The following NRK variants were observed in gnomAD, a reference collection of about 807,000 sequenced individuals.
The protein encoded by NRK is nik-related protein kinase.
In NRK, 67 loss-of-function variants were observed where a neutral mutation model predicts 125.2. The observed-to-expected ratio is 0.54, with a 90% CI of 0.44 to 0.66. NRK has a LOEUF of 0.66. Ranked by LOEUF, NRK falls within the 30% of genes least tolerant of loss-of-function variation. The pLI, the probability that NRK is intolerant of heterozygous loss-of-function variation, is 0.00. For synonymous variants in NRK, 458 were observed against 429.0 expected, an observed-to-expected ratio of 1.07 and a Z score of -0.84; for missense variants, 1,224 against 1,192.9, an observed-to-expected ratio of 1.03 and a Z score of -0.38.
In NRK at chrX:105,880,262, T is replaced by TCTGTC; in HGVS notation, c.180+7_180+8insCTGTC. Reference sequence around the variant, plus strand: ...AGTGATGAACGCTCGTAAGGTAATATTATAAATTGCCTGTATTCTCTTCCC... The same window carrying TCTGTC: ...AGTGATGAACGCTCGTAAGGTAATATCTGTCTATAAATTGCCTGTATTCTCTTCCC... On this transcript the variant is annotated splice_region_variant and intron_variant, in intron 3 of 28. Coordinates refer to ENST00000243300, the MANE Select transcript of NRK (RefSeq NM_198465.4). 1.0e-6 allele frequency: 1 copy of TCTGTC among 969,014 alleles called. No individual in the cohort carries two copies. The highest frequency in any genetic ancestry group is 1.4e-6 in the Non-Finnish European group (1 of 717,798). The allele number at this position is 969,014 out of a possible 1,213,427, so 79.9% of individuals were successfully genotyped here.
intron 2 of NRK, among the ~76,000 whole-genome samples, chrX:105,858,810 A>G (rs1222788801): frequency 9.0e-6 from 1 of 111,532 alleles, no homozygotes; most frequent in Non-Finnish European, 1.9e-5. Context: ...CTGTTCGCCT[A>G]TATTAGTGTC....
intron 19 of NRK, among the ~76,000 whole-genome samples, chrX:105,929,230 T>A (rs2040562991): frequency 9.0e-6 from 1 of 111,625 alleles, no homozygotes; most frequent in Non-Finnish European, 1.9e-5. Flanking sequence ...ATTATCATAA[T>A]ATAATGTCCG....
intron 27 of NRK, among the ~76,000 whole-genome samples, chrX:105,952,263 AT>A (rs1488577774): frequency 9.0e-6 from 1 of 111,689 alleles, no homozygotes; most frequent in Non-Finnish European, 1.9e-5. Context: ...TACTTATGGA[AT>A]TTTTCCCCAT....
At chrX:105,828,384 C>T (rs1378340338) in intron 1 of NRK, among the ~76,000 whole-genome samples, 1 of 111,317 alleles carries the variant, frequency 9.0e-6, no homozygotes, top group Non-Finnish European at 1.9e-5. Flanking sequence ...AGTCCATTTC[C>T]TTGGTGTCTT....
rs181877268 is a variant in NRK at position 105,882,421 on chromosome X, T to A, written c.252+642T>A. Among the ~76,000 whole-genome samples, 225 of 111,226 alleles carry A rather than the reference T, an allele frequency of 2.0e-3. 1 individual carries two copies. Among genetic ancestry groups the A allele is most frequent in the African/African-American group, 7.1e-3 (218 of 30,675 alleles). On this transcript the variant is annotated intron_variant, in intron 4 of 28. Coordinates refer to ENST00000243300, the MANE Select transcript of NRK (RefSeq NM_198465.4). ...AGAGCAGTTTTTCTGATACCAACAA[T>A]TCTCTGGCTCCAGAATAAAACCAAC...
chrX:105,861,312 C>T (rs1041364426), intron 2 of NRK, among the ~76,000 whole-genome samples: 42 of 112,071 alleles, frequency 3.7e-4, no homozygotes, highest in Non-Finnish European at 1.7e-4. Context: ...GTAGAAATCC[C>T]TGATAAGATA....
chrX:105,868,671 A>C (rs1343198183), intron 2 of NRK, among the ~76,000 whole-genome samples: 1 of 109,350 alleles, frequency 9.1e-6, no homozygotes, highest in African/African-American at 3.3e-5. Context: ...TCAGCTTGGC[A>C]TTCTTTGAGT....
rs998373896 is a variant in NRK at position 105,934,256 on chromosome X, A to T, written c.3313-2A>T. The T allele has an allele frequency of 4.4e-6, 5 of 1,146,575 alleles. No individual in the cohort carries two copies. Among genetic ancestry groups the T allele is most frequent in the Non-Finnish European group, 5.8e-6 (5 of 863,916 alleles). The allele number at this position is 1,146,575 out of a possible 1,213,427, so 94.5% of individuals were successfully genotyped here. A position where few individuals can be genotyped will look rare whatever the true frequency, so the allele number is the denominator to read the frequency against. ...AAAAATTGGTTTTTGGACTTCTTTT[A>T]GGAGCCAGGTGGTGGAAATGAGGCC... On this transcript the variant is annotated splice_acceptor_variant, in intron 19 of 28. Coordinates refer to ENST00000243300, the MANE Select transcript of NRK (RefSeq NM_198465.4). LOFTEE classifies it high-confidence loss of function.
At chrX:105,888,567 A>G (rs1262690629) in intron 5 of NRK, 148 bp downstream of exon 5, 17 of 484,031 alleles carry the variant, frequency 3.5e-5, no homozygotes, top group Non-Finnish European at 5.6e-5. Context: ...TGGTCTCACA[A>G]TGCTATTAGG....
Position 105,923,194 on chromosome X carries a change from T to G in NRK, c.2687T>G (p.Leu896Arg). 1 of 1,207,271 alleles carries G rather than the reference T, an allele frequency of 8.3e-7. No individual in the cohort carries two copies. Among genetic ancestry groups the G allele is most frequent in the East Asian group, 3.0e-5 (1 of 33,783 alleles). The change falls in exon 18 of 29, where the codon CTC becomes CGC. Residue 896 changes from leucine (L) to arginine (R), a missense_variant. Physicochemically the swap from Leu to Arg is moderately radical, Grantham distance 102. Coordinates refer to ENST00000243300, the MANE Select transcript of NRK (RefSeq NM_198465.4). ...AACGAATGGGTAGGCTATAATGCAC[T>G]CTCTGAAATCTTCCGGAATGATTGG... ...LTNEWVGYNA[L>R]SEIFRNDWLT...
At chrX:105,823,845 A>T (rs1287088353) in intron 1 of NRK, among the ~76,000 whole-genome samples, 1 of 112,293 alleles carries the variant, frequency 8.9e-6, no homozygotes, top group Non-Finnish European at 1.9e-5. Context: ...TCCGAAAGGG[A>T]ATAAGCAGGC....
At chrX:105,939,793 C>A in intron 22 of NRK, 81 bp from the exon 23 acceptor site, 1 of 596,037 alleles carries the variant, frequency 1.7e-6, no homozygotes, top group Non-Finnish European at 2.5e-6. Context: ...TTTTAAAAGG[C>A]AAAATATCTT....
At chrX:105,908,657 A>C (rs2040250051) in intron 12 of NRK, 70 bp from the exon 13 acceptor site, 2 of 1,109,225 alleles carry the variant, frequency 1.8e-6, no homozygotes, top group Non-Finnish European at 2.4e-6. Flanking sequence ...AAGTAAAAAC[A>C]ATGCCCCTGA....
At chrX:105,831,836 T>C (rs926046518) in intron 2 of NRK, among the ~76,000 whole-genome samples, 1 of 111,823 alleles carries the variant, frequency 8.9e-6, no homozygotes, top group South Asian at 3.7e-4. Context: ...ACCAACATTG[T>C]ATCAAAAATT....
intron 2 of NRK, among the ~76,000 whole-genome samples, chrX:105,875,564 A>G (rs1569298555): frequency 9.0e-6 from 1 of 111,328 alleles, no homozygotes; most frequent in Non-Finnish European, 1.9e-5. Context: ...AATAATTTTT[A>G]TACCTTGTTG....
At chrX:105,921,338 G>A (rs1256670337) in intron 16 of NRK, among the ~76,000 whole-genome samples, 1 of 103,869 alleles carries the variant, frequency 9.6e-6, no homozygotes, top group Admixed American at 1.1e-4. Context: ...TTGTGGGGTG[G>A]GGGGAGTGGG....
chrX:105,839,617 C>T (rs2039305517), intron 2 of NRK, among the ~76,000 whole-genome samples: 1 of 112,039 alleles, frequency 8.9e-6, no homozygotes, highest in South Asian at 3.6e-4. Context: ...GTAAACCATT[C>T]TGTAATAAAA....
chrX:105,925,027 A>G lies in NRK; in HGVS notation c.3308A>G (p.Gln1103Arg), dbSNP rs1362288549. 3 of 1,183,063 alleles carry G rather than the reference A, an allele frequency of 2.5e-6. No homozygotes were observed. Among genetic ancestry groups the G allele is most frequent in the Non-Finnish European group, 2.3e-6 (2 of 871,646 alleles). Reference sequence around the variant, plus strand: ...GCGTCTCAGGACTTTGAATATCTACAGGAGGTAATGCACCATTTGAAAAGC... The same window carrying G: ...GCGTCTCAGGACTTTGAATATCTACGGGAGGTAATGCACCATTTGAAAAGC... ...RPASQDFEYL[Q>R]EEPGGGNEAS... The change falls in exon 19 of 29, where the codon CAG (glutamine) becomes CGG (arginine). Residue 1103 changes from glutamine to arginine, a missense_variant. Gln to Arg is a conservative substitution (Grantham distance 43). Transcript: ENST00000243300.
At chrX:105,822,999 C>A in intron 1 of NRK, 97 bp downstream of exon 1, 4 of 797,004 alleles carry the variant, frequency 5.0e-6, no homozygotes, top group Non-Finnish European at 5.3e-6. Context: ...CGGGCTAGAC[C>A]AGGACTTCGA....
Sources: allele counts gnomAD v4.1 joint callset (sites outside exome capture counted in the v4.1 genomes callset), GRCh38; gene constraint gnomAD v4.1.1; transcripts MANE v1.5; gene names NCBI Gene and HGNC (gene_info 2026-07-23, HGNC 2026-07-21).